SLC44A2: variants seen among roughly 807,000 people sequenced by gnomAD.
SLC44A2 encodes the protein solute carrier family 44 member 2 (CTL2 blood group).
A neutral mutation model predicts 90.8 loss-of-function variants in SLC44A2; 57 were observed. The observed-to-expected ratio is 0.63, with a 90% CI of 0.51 to 0.78. The LOEUF is 0.78. Ranked by LOEUF, SLC44A2 falls within the 30% of genes least tolerant of loss-of-function variation. The pLI is 0.00. For missense variants in SLC44A2, 794 were observed against 919.7 expected (o/e 0.86, Z 1.77); for synonymous variants, 355 against 360.7 (o/e 0.98, Z 0.18).
chr19:10,625,714 T>C, intron 1 of SLC44A2, 44 bp downstream of exon 1: 1 of 1,232,860 alleles, frequency 8.1e-7, no homozygotes, highest in African/African-American at 1.6e-5. Flanking sequence ...GACCCCTCGG[T>C]CCCTCGGAGG....
At position 10,632,028 on chromosome 19, in the gene SLC44A2, G is replaced by C. The variant is rs370525353; in HGVS notation, c.711-16G>C. On this transcript the variant is annotated splice_polypyrimidine_tract_variant and intron_variant, in intron 9 of 21. Transcript: ENST00000335757. ...CTGAGGGTGGAGTCTGTTCATGACC[G>C]TTTTCTTTTCCCCAGAGGCCTGGTC... 3.5e-5 allele frequency: 56 copies of C among 1,613,790 alleles called. No homozygotes were observed. The Middle Eastern group carries it at 6.6e-4, about 19-fold the overall frequency.
chr19:10,604,446 C>CA (rs1189952835), intron 1 of SLC44A2, among the ~76,000 whole-genome samples: 1 of 152,174 alleles, frequency 6.6e-6, no homozygotes, highest in Admixed American at 6.6e-5. Context: ...ACATCAGAAC[C>CA]AAAAACCTGG....
chr19:10,623,628 G>A (rs1273171457), upstream of SLC44A2, among the ~76,000 whole-genome samples: 1 of 151,946 alleles, frequency 6.6e-6, no homozygotes, highest in Non-Finnish European at 1.5e-5. Context: ...ATTGCTTAAG[G>A]CCAGGAGTTT....
upstream of SLC44A2, among the ~76,000 whole-genome samples, chr19:10,623,572 G>T (rs2066907096): frequency 6.6e-6 from 1 of 152,052 alleles, no homozygotes; most frequent in Admixed American, 6.6e-5. Context: ...GTGGCGTGGT[G>T]ACTCGTGCCT....
chr19:10,612,381 A>C (rs1918330371), intron 1 of SLC44A2, among the ~76,000 whole-genome samples: 1 of 152,082 alleles, frequency 6.6e-6, no homozygotes, highest in African/African-American at 2.4e-5. Context: ...AAAAAATAAA[A>C]AATAAAAAAA....
At chr19:10,630,339 A>G (rs2066980258) in intron 4 of SLC44A2, among the ~76,000 whole-genome samples, 1 of 151,334 alleles carries the variant, frequency 6.6e-6, no homozygotes. Flanking sequence ...CAACAGAGAA[A>G]GACTCTTGTC....
At chr19:10,641,545 C>T (rs2067116081) in intron 20 of SLC44A2, 7 of 365,042 alleles carry the variant, frequency 1.9e-5, no homozygotes, top group South Asian at 1.5e-4. Flanking sequence ...ATGCAGAGGC[C>T]CAGGGGTTAA....
At chr19:10,629,964 A>C (rs2066976607) in intron 4 of SLC44A2, among the ~76,000 whole-genome samples, 1 of 152,096 alleles carries the variant, frequency 6.6e-6, no homozygotes, top group Non-Finnish European at 1.5e-5. Flanking sequence ...CACGTTGGCC[A>C]GGCTGGTCTC....
intron 1 of SLC44A2, among the ~76,000 whole-genome samples, chr19:10,610,936 C>T (rs909512084): frequency 3.3e-5 from 5 of 151,454 alleles, no homozygotes; most frequent in South Asian, 2.1e-4. Context: ...CACCGCGCCC[C>T]GCCAAGACTT....
chr19:10,630,890 A>G (rs1171282612), intron 4 of SLC44A2, among the ~76,000 whole-genome samples, 167 bp from the exon 5 acceptor site: 1 of 150,540 alleles, frequency 6.6e-6, no homozygotes, highest in African/African-American at 2.4e-5. Context: ...CTGTAATCCC[A>G]GCTACTCGGG....
chr19:10,627,992 G>A lies in SLC44A2; in HGVS notation c.233G>A (p.Gly78Asp), dbSNP rs2144847362. The A allele has an allele frequency of 1.2e-6, 2 of 1,613,118 alleles. No individual in the cohort carries two copies. Among genetic ancestry groups the A allele is most frequent in the Non-Finnish European group, 1.7e-6 (2 of 1,179,554 alleles). ...DSRGEFCGQK[G>D]TKNENKPYLF... ...CGGGGCGAGTTCTGCGGGCAGAAGG[G>A]CACAAAAAACGAGTGAGTTGACTCC... The change falls in exon 4 of 22, where the codon GGC becomes GAC. Residue 78 changes from glycine to aspartate, a missense_variant. Physicochemically the swap from Gly to Asp is moderately conservative, Grantham distance 94. Transcript: ENST00000335757.
At chr19:10,638,444 A>C in intron 20 of SLC44A2, 129 bp downstream of exon 20, 1 of 915,706 alleles carries the variant, frequency 1.1e-6, no homozygotes, top group Non-Finnish European at 1.7e-6. Flanking sequence ...CAGACCACAA[A>C]CTTTTTGTTT....
chr19:10,640,148 T>C (rs1462691445), intron 20 of SLC44A2, among the ~76,000 whole-genome samples: 1 of 140,500 alleles, frequency 7.1e-6, no homozygotes, highest in Non-Finnish European at 1.5e-5. Context: ...TGGAGTGCGA[T>C]GGAGTGATCT....
At chr19:10,611,851 C>T (rs1481696217) in intron 1 of SLC44A2, among the ~76,000 whole-genome samples, 1 of 152,068 alleles carries the variant, frequency 6.6e-6, no homozygotes, top group Non-Finnish European at 1.5e-5. Context: ...TAAACTCTTA[C>T]ATAATAAAAT....
intron 20 of SLC44A2, among the ~76,000 whole-genome samples, chr19:10,638,778 G>T (rs920415770): frequency 2.0e-5 from 3 of 151,500 alleles, no homozygotes; most frequent in African/African-American, 2.4e-5. Flanking sequence ...GGGATTACAG[G>T]CACCTGCCAC....
At chr19:10,635,700 C>T in intron 14 of SLC44A2, 185 bp downstream of exon 14, 1 of 556,240 alleles carries the variant, frequency 1.8e-6, no homozygotes, top group Non-Finnish European at 3.1e-6. Context: ...CTTCCCAGGG[C>T]AAGCTGGCTT....
rs757358998 is a variant in SLC44A2 at position 10,638,270 on chromosome 19, G to T, written c.1884G>T (p.Val628=). The part of the protein sequence containing the change: ...FFFFTHRIRI[V]QDTAPPLNYY... ...TCTTCACCCACCGTATCAGGATCGTGCAGGATACAGCACCACCCCTCAATT... is the reference window on the plus strand; with the variant it reads ...TCTTCACCCACCGTATCAGGATCGTTCAGGATACAGCACCACCCCTCAATT... Residue 628 remains valine (V), a synonymous_variant, in exon 20 of 22, where the codon GTG becomes GTT. Transcript: ENST00000335757. 1 of 1,614,126 alleles carries T rather than the reference G, an allele frequency of 6.2e-7. No individual in the cohort carries two copies. The highest frequency in any genetic ancestry group is 1.3e-5 in the African/African-American group (1 of 75,016).
At chr19:10,622,286 A>G (rs1246924325), upstream of SLC44A2, among the ~76,000 whole-genome samples, 1 of 152,038 alleles carries the variant, frequency 6.6e-6, no homozygotes, top group African/African-American at 2.4e-5. Flanking sequence ...CAGGTCATGC[A>G]AGGCTTTGTG....
intron 20 of SLC44A2, among the ~76,000 whole-genome samples, chr19:10,640,641 C>T (rs1411369309): frequency 6.6e-6 from 1 of 152,074 alleles, no homozygotes; most frequent in African/African-American, 2.4e-5. Flanking sequence ...CTACCAAGGC[C>T]GTGTGAGTCT....
Sources: allele counts gnomAD v4.1 joint callset (sites outside exome capture counted in the v4.1 genomes callset), GRCh38; gene constraint gnomAD v4.1.1; transcripts MANE v1.5; gene names NCBI Gene and HGNC (gene_info 2026-07-23, HGNC 2026-07-21).